Variants in KAT6B observed in about 807,000 individuals in gnomAD.
KAT6B encodes histone acetyltransferase KAT6B.
In KAT6B, 10 loss-of-function variants were observed where a neutral mutation model predicts 187.5. The ratio of observed to expected loss-of-function variants is 0.05; its 90% CI spans 0.03 to 0.09. The LOEUF (loss-of-function observed/expected upper bound fraction) is 0.09. Among genes scored for constraint, KAT6B ranks in the 10% least tolerant of loss-of-function variants. KAT6B has a pLI of 1.00. For synonymous variants in KAT6B, 861 were observed against 926.8 expected, an observed-to-expected ratio of 0.93 and a Z score of 1.29; for missense variants, 1,952 against 2,558.9, an observed-to-expected ratio of 0.76 and a Z score of 5.12.
intron 3 of KAT6B, among the ~76,000 whole-genome samples, chr10:74,941,661 G>A (rs986786450): frequency 3.3e-5 from 5 of 152,118 alleles, no homozygotes; most frequent in Admixed American, 6.5e-5. Context: ...GGTCTATAGC[G>A]AGCAAAGAAA....
At position 75,029,702 on chromosome 10, in the gene KAT6B, C is replaced by T. The variant is rs146568876; in HGVS notation, c.4878C>T (p.Tyr1626=). The T allele has an allele frequency of 7.1e-5, 114 of 1,614,050 alleles. No homozygotes were observed. Among genetic ancestry groups the T allele is most frequent in the Non-Finnish European group, 9.2e-5 (109 of 1,180,036 alleles). ...GTGTCCCTGCTCTGGAAAACAGCTA[C>T]GCCCAAATCAGCCCAGATCAAAGTG... is the stretch of plus-strand genomic sequence containing the variant. ...SPSVPALENS[Y]AQISPDQSAI... Residue 1626 remains tyrosine (Y), a synonymous_variant, in exon 18 of 18, where the codon TAC becomes TAT. Transcript: ENST00000287239. This position sits in a 1 kb window ranked among gnomAD's most constrained non-coding sequence, Gnocchi z 6.2.
At chr10:74,918,038 C>T (rs1847829139) in intron 3 of KAT6B, among the ~76,000 whole-genome samples, 2 of 152,102 alleles carry the variant, frequency 1.3e-5, no homozygotes, top group South Asian at 4.1e-4. Context: ...ATTATTCATA[C>T]TTAATGAGCA....
At chr10:74,859,244 C>A (rs1298146788) in intron 3 of KAT6B, among the ~76,000 whole-genome samples, 1 of 151,916 alleles carries the variant, frequency 6.6e-6, no homozygotes. Context: ...CCATGCCCAG[C>A]TAATTTTGTA....
chr10:74,843,753 A>G (rs1020734443), intron 3 of KAT6B, among the ~76,000 whole-genome samples: 3 of 152,218 alleles, frequency 2.0e-5, no homozygotes, highest in Admixed American at 2.0e-4. Context: ...ACCAGGAAGG[A>G]TAATATTGAT....
At chr10:74,914,410 G>A (rs1847495390) in intron 3 of KAT6B, among the ~76,000 whole-genome samples, 2 of 152,144 alleles carry the variant, frequency 1.3e-5, no homozygotes, top group South Asian at 4.2e-4. Context: ...ATTGTTATGT[G>A]GGTAGCTTTC....
chr10:75,017,737 C>G (rs111605272), intron 13 of KAT6B, among the ~76,000 whole-genome samples: 31 of 152,328 alleles, frequency 2.0e-4, no homozygotes, highest in Non-Finnish European at 4.0e-4. Flanking sequence ...AGTGCTGCTG[C>G]TGGTTCAAAT....
rs751844600 is a variant in KAT6B, at chr10:75,021,167, T to C, written c.2903T>C (p.Met968Thr). 1 of 1,614,160 alleles carries C rather than the reference T, an allele frequency of 6.2e-7. No individual in the cohort carries two copies. The highest frequency in any genetic ancestry group is 8.5e-7 in the Non-Finnish European group (1 of 1,179,980). ...IRREKLILSH[M>T]EKLKTCSRAN... ...CGGGAAAAGTTGATATTGAGCCACA[T>C]GGAAAAGCTGAAAACCTGTTCCAGA... Residue 968 changes from methionine to threonine, a missense_variant, in exon 15 of 18, where the codon ATG becomes ACG. Around this residue, in one of 9 missense-constraint regions of KAT6B, gnomAD observed 758 missense variants for 891.4 expected, o/e 0.85. Transcript: ENST00000287239.
intron 13 of KAT6B, among the ~76,000 whole-genome samples, chr10:75,009,377 A>G (rs1394085861): frequency 1.3e-5 from 2 of 152,192 alleles, no homozygotes; most frequent in Non-Finnish European, 1.5e-5. Context: ...TAGGCACTCA[A>G]CTGTTGGACA....
chr10:74,996,651 C>T (rs547049505), intron 13 of KAT6B, among the ~76,000 whole-genome samples: 2 of 152,030 alleles, frequency 1.3e-5, no homozygotes, highest in African/African-American at 4.8e-5. Context: ...CACCTGTAGT[C>T]CCAGCTACTC....
intron 10 of KAT6B, among the ~76,000 whole-genome samples, chr10:74,981,397 G>A (rs945056077): frequency 4.0e-5 from 5 of 125,310 alleles, no homozygotes; most frequent in African/African-American, 1.5e-4. Flanking sequence ...TTTTTTTGAC[G>A]GTGTCTCACT....
intron 17 of KAT6B, among the ~76,000 whole-genome samples, chr10:75,026,628 GT>G (rs1004678284): frequency 3.6e-4 from 52 of 145,272 alleles, no homozygotes; most frequent in African/African-American, 4.8e-4. Context: ...TATTCTTTGG[GT>G]TTTTTTTTTT....
At chr10:74,948,511 A>C (rs1840095531) in intron 3 of KAT6B, among the ~76,000 whole-genome samples, 1 of 152,220 alleles carries the variant, frequency 6.6e-6, no homozygotes. Context: ...ATCTAATTAC[A>C]TTCAGTTGAG....
intron 3 of KAT6B, among the ~76,000 whole-genome samples, chr10:74,909,209 A>G (rs1316100046): frequency 6.6e-6 from 1 of 152,190 alleles, no homozygotes; most frequent in Non-Finnish European, 1.5e-5. Flanking sequence ...CATCTCTACT[A>G]AAAATACAAA....
At chr10:74,954,165 C>G (rs1840510701) in intron 3 of KAT6B, among the ~76,000 whole-genome samples, 1 of 152,208 alleles carries the variant, frequency 6.6e-6, no homozygotes. Flanking sequence ...TGGGGCCCAT[C>G]CAGTCTCTCC....
chr10:74,908,006 G>C lies in KAT6B; in HGVS notation c.622-51964G>C, dbSNP rs1300289848. ...GAGGTGATTGGATCACCAGGGCTTT[G>C]CCTTCATGAATGGACTAATCCATTC... On this transcript the variant is annotated intron_variant, in intron 3 of 17. Coordinates refer to ENST00000287239, the MANE Select transcript of KAT6B (RefSeq NM_012330.4). 2.0e-5 allele frequency among the ~76,000 whole-genome samples: 3 copies of C among 152,158 alleles called. No homozygotes were observed. The East Asian group carries it at 5.8e-4, about 29-fold the overall frequency.
At chr10:74,988,373 G>A (rs533269130) in intron 12 of KAT6B, among the ~76,000 whole-genome samples, 91 of 152,274 alleles carry the variant, frequency 6.0e-4, no homozygotes, top group South Asian at 2.9e-3. Flanking sequence ...CAAACTGTTC[G>A]TAATATTTTG....
intron 13 of KAT6B, among the ~76,000 whole-genome samples, chr10:75,010,756 G>A (rs1038543295): frequency 2.6e-5 from 4 of 152,214 alleles, no homozygotes; most frequent in East Asian, 1.9e-4. Context: ...GACCAGACCA[G>A]ATGACTAGAT....
intron 3 of KAT6B, among the ~76,000 whole-genome samples, chr10:74,885,964 C>G (rs1845222388): frequency 6.6e-6 from 1 of 152,144 alleles, no homozygotes. Context: ...ATCTCTTGAC[C>G]TTGTGATCCT....
At chr10:74,899,348 C>T (rs1453138040) in intron 3 of KAT6B, among the ~76,000 whole-genome samples, 3 of 150,666 alleles carry the variant, frequency 2.0e-5, no homozygotes, top group Non-Finnish European at 4.4e-5. Flanking sequence ...GATCTCGGCT[C>T]ATGCAACTTC....
Sources: gnomAD v4.1 joint callset for allele counts (sites outside exome capture counted in the v4.1 genomes callset) on GRCh38, gnomAD v4.1.1 for gene constraint, gnomAD v4.1.1 regional missense constraint, Gnocchi (gnomAD v3.1) non-coding constraint, MANE v1.5 for transcripts, NCBI Gene and HGNC (gene_info 2026-07-23, HGNC 2026-07-21) for gene names.